NEGR1: variants seen among roughly 807,000 people sequenced by gnomAD.
The protein encoded by NEGR1 is neuronal growth regulator 1, also known as IgLON family member 4.
Under a neutral mutation model 40.9 loss-of-function variants are expected in NEGR1, and 10 were observed. That is an observed-to-expected ratio of 0.24 (90% CI 0.15 to 0.42). The LOEUF (loss-of-function observed/expected upper bound fraction) is 0.42. Ranked by LOEUF, NEGR1 falls within the 10% of genes least tolerant of loss-of-function variation. The pLI, the probability that NEGR1 is intolerant of heterozygous loss-of-function variation, is 1.00. For missense variants in NEGR1, 352 were observed against 438.9 expected (o/e 0.80, Z 1.77); for synonymous variants, 185 against 166.8 (o/e 1.11, Z -0.84).
chr1:72,167,430 A>C (rs1398270846), intron 1 of NEGR1, among the ~76,000 whole-genome samples: 1 of 152,110 alleles, frequency 6.6e-6, no homozygotes, highest in African/African-American at 2.4e-5. Context: ...CAATATTATC[A>C]TATTTTCTAA....
chr1:72,123,626 A>G (rs891593643), intron 1 of NEGR1, among the ~76,000 whole-genome samples: 69 of 152,018 alleles, frequency 4.5e-4, no homozygotes, highest in African/African-American at 1.5e-3. Flanking sequence ...GACAATAGAA[A>G]AGCTCTGTGG....
intron 1 of NEGR1, among the ~76,000 whole-genome samples, chr1:72,038,989 C>T (rs972111046): frequency 1.3e-5 from 2 of 151,780 alleles, no homozygotes; most frequent in East Asian, 1.9e-4. Context: ...AAGAAAATTT[C>T]GCAGAAGGAA....
At chr1:71,726,062 T>G (rs759600638) in intron 3 of NEGR1, among the ~76,000 whole-genome samples, 1 of 152,130 alleles carries the variant, frequency 6.6e-6, no homozygotes, top group Non-Finnish European at 1.5e-5. Flanking sequence ...GGATGACAAA[T>G]TGCTGCTGTT....
chr1:71,633,987 A>G lies in NEGR1; in HGVS notation c.668-22841T>C, dbSNP rs1482103150. Among the ~76,000 whole-genome samples, 5 of 152,096 alleles carry G rather than the reference A, an allele frequency of 3.3e-5. No homozygotes were observed. In the East Asian group the frequency reaches 9.7e-4, roughly 29 times the overall value. ...TATAAACAAGGAGTGGAATTTAAGG[A>G]GAAAAAATTCACATTCATAGATATA... On this transcript the variant is annotated intron_variant, in intron 4 of 6. Transcript: ENST00000357731.
rs1038740974 is a variant in NEGR1, at chr1:71,402,922, G to A, written c.*4524C>T. 14 of 152,088 alleles carry A rather than the reference G, an allele frequency of 9.2e-5. No homozygotes were observed. The highest frequency in any genetic ancestry group is 3.4e-4 in the African/African-American group (14 of 41,416). The allele number at this position is 152,088 out of a possible 1,614,324, so 9.4% of individuals were successfully genotyped here. ...AGATAGATAAGATAGATGTTGAAAA[G>A]GGAAGAAATAATGAAGCTGTGGGGG... On this transcript the variant is annotated 3_prime_UTR_variant, in exon 7 of 7. Transcript: ENST00000357731.
chr1:71,578,275 C>A (rs1460478447), intron 6 of NEGR1, among the ~76,000 whole-genome samples: 3 of 151,980 alleles, frequency 2.0e-5, no homozygotes, highest in Non-Finnish European at 4.4e-5. Flanking sequence ...GAAATGAAAG[C>A]AAAATAAAAT....
intron 4 of NEGR1, among the ~76,000 whole-genome samples, chr1:71,611,502 G>C (rs911307067): frequency 6.6e-6 from 1 of 152,224 alleles, no homozygotes; most frequent in Non-Finnish European, 1.5e-5. Flanking sequence ...CAGGGAGCCA[G>C]TCACTGGGCT....
chr1:71,905,349 T>A (rs2101867491), intron 2 of NEGR1, among the ~76,000 whole-genome samples: 1 of 152,166 alleles, frequency 6.6e-6, no homozygotes, highest in African/African-American at 2.4e-5. Context: ...TTGAATCTAA[T>A]TTTATATTTT....
intron 1 of NEGR1, among the ~76,000 whole-genome samples, chr1:72,063,260 G>T (rs937574918): frequency 6.6e-6 from 1 of 151,676 alleles, no homozygotes; most frequent in African/African-American, 2.4e-5. Context: ...AAATTTCCTT[G>T]CAAGGTAAGA....
intron 2 of NEGR1, among the ~76,000 whole-genome samples, chr1:71,846,290 T>C (rs369831466): frequency 1.5e-4 from 23 of 152,098 alleles, no homozygotes; most frequent in African/African-American, 5.1e-4. Context: ...AGGAGTCCGA[T>C]TAGCCACATC....
At chr1:71,853,295 G>A (rs1396399621) in intron 2 of NEGR1, among the ~76,000 whole-genome samples, 1 of 151,958 alleles carries the variant, frequency 6.6e-6, no homozygotes, top group Non-Finnish European at 1.5e-5. Context: ...GTAATAATTT[G>A]CCATTTTCAA....
chr1:72,223,967 A>T (rs925327158), intron 1 of NEGR1, among the ~76,000 whole-genome samples: 3 of 152,154 alleles, frequency 2.0e-5, no homozygotes, highest in Non-Finnish European at 4.4e-5. Flanking sequence ...CTGACTAATT[A>T]TTACCAATGC....
chr1:72,033,694 C>A (rs1381016867), intron 1 of NEGR1, among the ~76,000 whole-genome samples: 2 of 152,136 alleles, frequency 1.3e-5, no homozygotes, highest in South Asian at 2.1e-4. Context: ...GGTTTATGAA[C>A]AAAACAGCTT....
chr1:71,619,326 C>T (rs1225731459), intron 4 of NEGR1, among the ~76,000 whole-genome samples: 1 of 152,076 alleles, frequency 6.6e-6, no homozygotes, highest in African/African-American at 2.4e-5. Flanking sequence ...ACTACACTCC[C>T]TCCATTGCTC....
At chr1:71,784,458 C>T (rs1656840279) in intron 2 of NEGR1, among the ~76,000 whole-genome samples, 1 of 152,038 alleles carries the variant, frequency 6.6e-6, no homozygotes, top group East Asian at 1.9e-4. Flanking sequence ...CATTTTCAAA[C>T]TCACTGAGAG....
chr1:72,087,246 G>A (rs765959890), intron 1 of NEGR1, among the ~76,000 whole-genome samples: 5 of 151,920 alleles, frequency 3.3e-5, no homozygotes, highest in African/African-American at 9.7e-5. Flanking sequence ...GTCAAACCCC[G>A]TCTCTACTAA....
At chr1:72,047,435 A>T (rs1905977) in intron 1 of NEGR1, among the ~76,000 whole-genome samples, 57,224 of 151,184 alleles carry the variant, frequency 0.38, 12,053 homozygotes, top group Non-Finnish European at 0.48. Context: ...AATACAGGGT[A>T]TTTAAATAAT....
chr1:71,658,943 G>C (rs927129940), intron 4 of NEGR1, among the ~76,000 whole-genome samples: 1 of 152,108 alleles, frequency 6.6e-6, no homozygotes, highest in African/African-American at 2.4e-5. Flanking sequence ...TAAAGGTCTT[G>C]ATTATTATTT....
At chr1:71,941,835 A>T (rs1403975798) in intron 1 of NEGR1, among the ~76,000 whole-genome samples, 2 of 152,136 alleles carry the variant, frequency 1.3e-5, no homozygotes, top group Non-Finnish European at 2.9e-5. Context: ...GAGTTAGGTT[A>T]TATCAAAAAC....
Sources: allele counts gnomAD v4.1 joint callset (sites outside exome capture counted in the v4.1 genomes callset), GRCh38; gene constraint gnomAD v4.1.1; transcripts MANE v1.5; gene names NCBI Gene and HGNC (gene_info 2026-07-23, HGNC 2026-07-21).